The following BLTP1 variants were observed in gnomAD, a reference collection of about 807,000 sequenced individuals.
BLTP1 encodes the protein bridge-like lipid transfer protein family member 1, also known as fragile site-associated protein.
At chr4:122,313,533 T>G in the BLTP1 span, 1 of 866,346 alleles carries the variant, frequency 1.2e-6, no homozygotes, top group Non-Finnish European at 1.7e-6. Flanking sequence ...CTCTTTGTAT[T>G]TAGACAATAA....
chr4:122,257,783 G>A, the BLTP1 span, among the ~76,000 whole-genome samples: 3 of 152,026 alleles, frequency 2.0e-5, no homozygotes, highest in Non-Finnish European at 2.9e-5. Context: ...AAGTATACAC[G>A]TATGATTTTT....
chr4:122,204,565 T>TC, the BLTP1 span: 12 of 984,910 alleles, frequency 1.2e-5, no homozygotes, highest in Admixed American at 6.2e-5. Flanking sequence ...GTTTGCCTTC[T>TC]CTGTAATATT....
chr4:122,230,778 T>A, the BLTP1 span, among the ~76,000 whole-genome samples: 7 of 152,132 alleles, frequency 4.6e-5, no homozygotes, highest in African/African-American at 1.7e-4. Flanking sequence ...TCTTCCCCAT[T>A]GTATATTTAA....
chr4:122,269,712 A>T, the BLTP1 span: 2 of 982,372 alleles, frequency 2.0e-6, no homozygotes, highest in South Asian at 9.4e-5. Flanking sequence ...AATATGTATA[A>T]CTCTCCTACT....
the BLTP1 span, among the ~76,000 whole-genome samples, chr4:122,211,356 C>T: frequency 6.6e-6 from 1 of 150,480 alleles, no homozygotes; most frequent in Non-Finnish European, 1.5e-5. Flanking sequence ...GATGATGTAG[C>T]ATCTGTTCTC....
At chr4:122,189,101 TAGAG>T in the BLTP1 span, 1 of 968,392 alleles carries the variant, frequency 1.0e-6, no homozygotes, top group Non-Finnish European at 1.2e-6. Flanking sequence ...TGAAAAATTA[TAGAG>T]AGTAAGATGA....
the BLTP1 span, among the ~76,000 whole-genome samples, chr4:122,160,822 G>C: frequency 6.6e-6 from 1 of 152,078 alleles, no homozygotes; most frequent in Non-Finnish European, 1.5e-5. Context: ...TCAATTACTT[G>C]GTGTTTTAAT....
the BLTP1 span, chr4:122,243,418 C>T: frequency 5.1e-6 from 5 of 985,084 alleles, no homozygotes; most frequent in Non-Finnish European, 6.0e-6. Context: ...TCTTTTTGGC[C>T]TGTCTTTGGA....
the BLTP1 span, chr4:122,208,140 A>T: frequency 1.0e-6 from 1 of 971,508 alleles, no homozygotes; most frequent in Non-Finnish European, 1.2e-6. Context: ...AATTAGCAAC[A>T]TATAGAAACA....
At chr4:122,260,076 C>T in the BLTP1 span, 2 of 245,952 alleles carry the variant, frequency 8.1e-6, no homozygotes, top group Non-Finnish European at 1.3e-5. Flanking sequence ...CCTGTACTTA[C>T]ACAAACCTAG....
chr4:122,173,026 C>G, the BLTP1 span: 1 of 1,611,498 alleles, frequency 6.2e-7, no homozygotes, highest in Non-Finnish European at 8.5e-7. Flanking sequence ...GATTTTTTTC[C>G]TCCCAACAGC....
the BLTP1 span, among the ~76,000 whole-genome samples, chr4:122,324,065 C>T: frequency 1.3e-5 from 2 of 151,990 alleles, no homozygotes; most frequent in Admixed American, 6.6e-5. Flanking sequence ...CTTTTGTCTC[C>T]ACTGCCCCGA....
the BLTP1 span, chr4:122,152,928 C>A: frequency 2.2e-6 from 2 of 921,614 alleles, no homozygotes; most frequent in African/African-American, 1.8e-5. Context: ...GCCTTGCCAG[C>A]TGCACTGGGT....
chr4:122,192,404 A>C, the BLTP1 span: 1 of 1,502,990 alleles, frequency 6.7e-7, no homozygotes, highest in Non-Finnish European at 9.2e-7. Context: ...TATATTTCTA[A>C]TAAGTTTTTT....
At chr4:122,272,533 C>G in the BLTP1 span, 2 of 701,854 alleles carry the variant, frequency 2.8e-6, no homozygotes, top group Admixed American at 3.1e-5. Context: ...AAAAACTGGA[C>G]TTCCCAAATT....
At chr4:122,229,381 C>G in the BLTP1 span, 3 of 591,906 alleles carry the variant, frequency 5.1e-6, no homozygotes, top group Non-Finnish European at 8.4e-6. Context: ...CTAATTTTTA[C>G]TAATCCATGT....
At chr4:122,231,126 A>T in the BLTP1 span, among the ~76,000 whole-genome samples, 1 of 152,188 alleles carries the variant, frequency 6.6e-6, no homozygotes, top group Non-Finnish European at 1.5e-5. Context: ...ATTTTTGCAC[A>T]TAAAATATTT....
At chr4:122,289,589 C>T in the BLTP1 span, 1 of 985,322 alleles carries the variant, frequency 1.0e-6, no homozygotes, top group Non-Finnish European at 1.2e-6. Context: ...TGGAAACCCT[C>T]ATTATATTTT....
the BLTP1 span, among the ~76,000 whole-genome samples, chr4:122,311,697 C>T: frequency 8.5e-5 from 13 of 152,082 alleles, no homozygotes; most frequent in South Asian, 2.1e-4. Context: ...GTTCAAAGAA[C>T]GATTTAAGTA....
Sources: allele counts gnomAD v4.1 joint callset (sites outside exome capture counted in the v4.1 genomes callset), GRCh38; gene constraint gnomAD v4.1.1; transcripts MANE v1.5; gene names NCBI Gene and HGNC (gene_info 2026-07-23, HGNC 2026-07-21).